The following DOT1L variants were observed in gnomAD, a reference collection of about 807,000 sequenced individuals.
DOT1L encodes DOT1 like histone lysine methyltransferase, also known as histone-lysine N-methyltransferase, H3 lysine-79 specific.
A neutral mutation model predicts 153.3 loss-of-function variants in DOT1L; 33 were observed. That is an observed-to-expected ratio of 0.22 (90% CI 0.16 to 0.29). The LOEUF is 0.29. Ranked by LOEUF, DOT1L falls within the 10% of genes least tolerant of loss-of-function variation. DOT1L has a pLI of 1.00. For synonymous variants in DOT1L, 1,135 were observed against 965.1 expected, an observed-to-expected ratio of 1.18 and a Z score of -3.26; for missense variants, 1,847 against 2,119.9, an observed-to-expected ratio of 0.87 and a Z score of 2.53.
rs1599588317 is a variant in DOT1L, at chr19:2,207,798, G to A, written c.963+118G>A. On this transcript the variant is annotated intron_variant, in intron 11 of 27. Coordinates refer to ENST00000398665, the MANE Select transcript of DOT1L (RefSeq NM_032482.3). This position sits in a 1 kb window ranked among gnomAD's most constrained non-coding sequence, Gnocchi z 4.5. ...AGACCCTCCCCTCAGAGCCCTCAAC[G>A]CCCCCCGGCCCCTGAGCTCAGGCCC... The A allele has an allele frequency of 2.2e-6, 2 of 913,544 alleles. No individual in the cohort carries two copies. The highest frequency in any genetic ancestry group is 2.7e-5 in the East Asian group (1 of 37,198). 56.6% of individuals were successfully genotyped at this position (913,544 alleles called of 1,614,324 possible).
rs748424679 is a variant in DOT1L at position 2,222,503 on chromosome 19, T to G, written c.3334T>G (p.Ser1112Ala). 4 of 1,581,640 alleles carry G rather than the reference T, an allele frequency of 2.5e-6. No homozygotes were observed. The Admixed American group carries it at 6.9e-5, about 27-fold the overall frequency. Residue 1112 changes from serine to alanine, a missense_variant, in exon 24 of 28, where the codon TCC (serine) becomes GCC (alanine). By Grantham distance (99) the Ser-to-Ala change is moderately conservative. Around this residue, in one of 8 missense-constraint regions of DOT1L, gnomAD observed 934 missense variants for 825.3 expected, o/e 1.13. Coordinates refer to ENST00000398665, the MANE Select transcript of DOT1L (RefSeq NM_032482.3). The surrounding 1 kb of genome is among the most constrained non-coding windows in gnomAD (Gnocchi z 6.5). ...GTCCCCCAAGCGCCGAGCCCTGCCG[T>G]CCGTCGCTGGCCTTTTCACACAGCC... is the stretch of plus-strand genomic sequence containing the variant. ...GVSPKRRALPSVAGLFTQPSG... is the reference protein window; with the variant it reads ...GVSPKRRALPAVAGLFTQPSG...
intron 2 of DOT1L, 86 bp downstream of exon 2, chr19:2,180,842 A>G: frequency 1.3e-6 from 2 of 1,536,158 alleles, no homozygotes; most frequent in Non-Finnish European, 1.8e-6. Context: ...TGTTGTGGGG[A>G]TGGCTCCTGC....
In DOT1L at chr19:2,201,338, C is replaced by T. The variant is rs74753790; in HGVS notation, c.708-1362C>T. On this transcript the variant is annotated intron_variant, in intron 8 of 27. Coordinates refer to ENST00000398665, the MANE Select transcript of DOT1L (RefSeq NM_032482.3). ...CTCCCTGCATTCCTCGTCCTCCCTG[C>T]GCCCGTCGTCCTCCCCGCTCCCCTC... Among the ~76,000 whole-genome samples the T allele has an allele frequency of 3.5e-4, 53 of 151,364 alleles. No homozygotes were observed. In the East Asian group the frequency reaches 6.1e-3, roughly 17 times the overall value.
intron 10 of DOT1L, 122 bp downstream of exon 10, chr19:2,206,919 G>T (rs1006902270): frequency 2.1e-6 from 2 of 962,664 alleles, no homozygotes; most frequent in Non-Finnish European, 1.6e-6. Flanking sequence ...CTGTGGGGTG[G>T]GGCTGTCCTG....
At chr19:2,169,723 C>T (rs181013247) in intron 1 of DOT1L, among the ~76,000 whole-genome samples, 3 of 152,152 alleles carry the variant, frequency 2.0e-5, no homozygotes, top group South Asian at 2.1e-4. Context: ...TGGGGTAATT[C>T]GAGCCTGTGC....
In DOT1L at chr19:2,203,015, G is replaced by A. The variant is rs557618987; in HGVS notation, c.787+236G>A. On this transcript the variant is annotated intron_variant, in intron 9 of 27. Coordinates refer to ENST00000398665, the MANE Select transcript of DOT1L (RefSeq NM_032482.3). Reference sequence around the variant, plus strand: ...CTGCTCACTGCAACCTCCGCCTCCCGGGTTCAAGCGATTCTTCTGCGTCAG... The same window carrying A: ...CTGCTCACTGCAACCTCCGCCTCCCAGGTTCAAGCGATTCTTCTGCGTCAG... Among the ~76,000 whole-genome samples the A allele has an allele frequency of 3.7e-4, 56 of 152,300 alleles. No homozygotes were observed. The Middle Eastern group carries it at 0.01, about 28-fold the overall frequency.
intron 3 of DOT1L, among the ~76,000 whole-genome samples, chr19:2,188,927 A>G (rs2022669757): frequency 6.6e-6 from 1 of 152,090 alleles, no homozygotes; most frequent in African/African-American, 2.4e-5. Context: ...TGCCCCACAG[A>G]CAGTGGGCAC....
intron 1 of DOT1L, among the ~76,000 whole-genome samples, chr19:2,179,547 C>A (rs549860798): frequency 6.6e-6 from 1 of 152,192 alleles, no homozygotes; most frequent in South Asian, 2.1e-4. Flanking sequence ...GTGGCTCAGG[C>A]CTGTAATCCC....
At chr19:2,187,795 G>A (rs368960060) in intron 3 of DOT1L, among the ~76,000 whole-genome samples, 5 of 152,092 alleles carry the variant, frequency 3.3e-5, no homozygotes, top group South Asian at 2.1e-4. Flanking sequence ...GGTGGCGGGT[G>A]CCTGTAGTCC....
intron 1 of DOT1L, among the ~76,000 whole-genome samples, chr19:2,175,091 C>T (rs549107058): frequency 5.3e-5 from 8 of 151,678 alleles, no homozygotes; most frequent in South Asian, 2.1e-4. Context: ...CCCCGCCTCC[C>T]GGGTTCATGC....
Position 2,226,925 on chromosome 19 carries a change from C to G in DOT1L, c.4404C>G (p.Phe1468Leu). Residue 1468 changes from phenylalanine to leucine, a missense_variant, in exon 27 of 28, where the codon TTC becomes TTG. Transcript: ENST00000398665. ...CGCACCGGTCCTTCCTGGGCCCCTT[C>G]CCGCCGGGACCGCAGTTCGCGCTCG... Reference protein sequence around the residue: ...AQTHRSFLGPFPPGPQFALGP... With the variant: ...AQTHRSFLGPLPPGPQFALGP... 1 of 1,581,340 alleles carries G rather than the reference C, an allele frequency of 6.3e-7. No homozygotes were observed. The highest frequency in any genetic ancestry group is 8.5e-7 in the Non-Finnish European group (1 of 1,172,470).
rs200823820 is a variant in DOT1L, at chr19:2,222,054, C to T, written c.2885C>T (p.Pro962Leu). The T allele has an allele frequency of 2.1e-5, 34 of 1,613,242 alleles. No individual in the cohort carries two copies. The African/African-American group carries it at 2.3e-4, about 11-fold the overall frequency. Residue 962 changes from proline (P) to leucine (L), a missense_variant, in exon 24 of 28, where the codon CCG becomes CTG. Around this residue, in one of 8 missense-constraint regions of DOT1L, gnomAD observed 934 missense variants for 825.3 expected, o/e 1.13. Transcript: ENST00000398665. The surrounding 1 kb of genome is among the most constrained non-coding windows in gnomAD (Gnocchi z 6.5). ...GCCTCTCTCACACCTGGAGCCGAGC[C>T]GGCCACCTTGGATGAGTCCTCCAGC... ...SPASLTPGAE[P>L]ATLDESSSSG...
intron 22 of DOT1L, 117 bp downstream of exon 22, chr19:2,218,035 A>C: frequency 7.0e-7 from 1 of 1,424,978 alleles, no homozygotes. Context: ...AGCGTGAGGC[A>C]ATGCAGTCAA....
chr19:2,166,679 G>A (rs1471933198), intron 1 of DOT1L, among the ~76,000 whole-genome samples: 9 of 152,188 alleles, frequency 5.9e-5, no homozygotes, highest in African/African-American at 2.2e-4. Flanking sequence ...CCAAAGTGCC[G>A]GGATTACAGG....
In DOT1L at chr19:2,204,141, C is replaced by T. The variant is rs1189680479; in HGVS notation, c.787+1362C>T. 6.6e-6 allele frequency among the ~76,000 whole-genome samples: 1 copy of T among 151,156 alleles called. No homozygotes were observed. The highest frequency in any genetic ancestry group is 1.5e-5 in the Non-Finnish European group (1 of 67,690). On this transcript the variant is annotated intron_variant, in intron 9 of 27. Coordinates refer to ENST00000398665, the MANE Select transcript of DOT1L (RefSeq NM_032482.3). This position sits in a 1 kb window ranked among gnomAD's most constrained non-coding sequence, Gnocchi z 5.7. ...TGTGTCTCTGTGCATGCCTGTGTCT[C>T]TGTGTGTGCCCGTGTGCCTGTGTGT...
In DOT1L at chr19:2,192,738, A is replaced by G. The variant is rs143461701; in HGVS notation, c.494-951A>G. On this transcript the variant is annotated intron_variant, in intron 5 of 27. Coordinates refer to ENST00000398665, the MANE Select transcript of DOT1L (RefSeq NM_032482.3). ...TCTTTGGCTCCTGCCTGTAATCCCA[A>G]TGCTTTGGAAGGCTGAGGTGGGAGG... 2.5e-3 allele frequency among the ~76,000 whole-genome samples: 375 copies of G among 151,804 alleles called. 3 individuals are homozygous for G. Among genetic ancestry groups the G allele is most frequent in the African/African-American group, 6.7e-3 (276 of 41,380 alleles).
chr19:2,210,891 C>G (rs1425091030), intron 14 of DOT1L, 36 bp downstream of exon 14: 1 of 1,602,324 alleles, frequency 6.2e-7, no homozygotes, highest in Non-Finnish European at 8.5e-7. Flanking sequence ...CCGCTCTCCC[C>G]GAGTGCGGAT....
intron 17 of DOT1L, 44 bp downstream of exon 17, chr19:2,213,684 C>T: frequency 6.2e-7 from 1 of 1,609,632 alleles, no homozygotes; most frequent in Non-Finnish European, 8.5e-7. Context: ...AGCTGGGGCG[C>T]AGGCTGGGGT....
intron 1 of DOT1L, among the ~76,000 whole-genome samples, chr19:2,171,618 C>T (rs890345808): frequency 2.0e-5 from 3 of 152,184 alleles, no homozygotes; most frequent in Non-Finnish European, 2.9e-5. Context: ...CACCGACCGC[C>T]GCCGGGTGTC....
Sources: gnomAD v4.1 joint callset for allele counts (sites outside exome capture counted in the v4.1 genomes callset) on GRCh38, gnomAD v4.1.1 for gene constraint, gnomAD v4.1.1 regional missense constraint, Gnocchi (gnomAD v3.1) non-coding constraint, MANE v1.5 for transcripts, NCBI Gene and HGNC (gene_info 2026-07-23, HGNC 2026-07-21) for gene names.